The following ZNF804A variants were observed in gnomAD, a reference collection of about 807,000 sequenced individuals.
ZNF804A encodes zinc finger protein 804A.
ZNF804A carries 2 observed loss-of-function variants against 16.5 expected under a neutral mutation model. The observed-to-expected ratio is 0.12, with a 90% CI of 0.05 to 0.38. The LOEUF is 0.38. ZNF804A is among the 10% of genes least tolerant of loss of function. The pLI, the probability that ZNF804A is intolerant of heterozygous loss-of-function variation, is 0.99. For missense variants in ZNF804A, 1,473 were observed against 1,390.7 expected, an observed-to-expected ratio of 1.06 and a Z score of -0.94; for synonymous variants, 534 against 489.6, an observed-to-expected ratio of 1.09 and a Z score of -1.20.
At chr2:184,611,424 A>G (rs950754321) in intron 1 of ZNF804A, among the ~76,000 whole-genome samples, 1 of 152,044 alleles carries the variant, frequency 6.6e-6, no homozygotes, top group African/African-American at 2.4e-5. Context: ...ATGGCATGAT[A>G]TTTAGGGCAT....
intron 2 of ZNF804A, among the ~76,000 whole-genome samples, chr2:184,873,145 T>C (rs1348753781): frequency 6.6e-6 from 1 of 152,194 alleles, no homozygotes; most frequent in African/African-American, 2.4e-5. Context: ...AAACTTTATA[T>C]ATTTTAGGAA....
intron 1 of ZNF804A, among the ~76,000 whole-genome samples, chr2:184,728,470 G>A (rs2105746164): frequency 6.6e-6 from 1 of 151,944 alleles, no homozygotes; most frequent in East Asian, 1.9e-4. Context: ...CCCAGCAATA[G>A]TCAGCAAATA....
chr2:184,878,494 T>C (rs1408067838), intron 2 of ZNF804A, among the ~76,000 whole-genome samples: 1 of 151,984 alleles, frequency 6.6e-6, no homozygotes, highest in African/African-American at 2.4e-5. Context: ...ATTTTGGTTG[T>C]CAAAAGGACT....
chr2:184,938,448 G>A lies in ZNF804A; in HGVS notation c.3052G>A (p.Val1018Ile). 6.2e-7 allele frequency: 1 copy of A among 1,613,970 alleles called. No individual in the cohort carries two copies. The highest frequency in any genetic ancestry group is 8.5e-7 in the Non-Finnish European group (1 of 1,180,004). ...KEAHVSGHTF[V>I]TAEQILAPLA... ...AGCACATGTCAGTGGTCATACTTTT[G>A]TAACAGCTGAGCAAATCCTGGCTCC... Residue 1018 changes from valine to isoleucine, a missense_variant, in exon 4 of 4, where the codon GTA (valine) becomes ATA (isoleucine). Val to Ile is a conservative substitution (Grantham distance 29, BLOSUM62 3). Coordinates refer to ENST00000302277, the MANE Select transcript of ZNF804A (RefSeq NM_194250.2).
At chr2:184,703,709 AAAAG>A (rs1553529082) in intron 1 of ZNF804A, among the ~76,000 whole-genome samples, 7 of 131,368 alleles carry the variant, frequency 5.3e-5, no homozygotes, top group African/African-American at 1.0e-4. Flanking sequence ...AAAAAAAAAA[AAAAG>A]AAAGAAAGAA....
At chr2:184,662,998 T>C (rs907768347) in intron 1 of ZNF804A, among the ~76,000 whole-genome samples, 6 of 152,202 alleles carry the variant, frequency 3.9e-5, no homozygotes, top group South Asian at 2.1e-4. Context: ...ATATTTATCA[T>C]TGATGTAGTA....
At chr2:184,917,487 T>C (rs567863015) in intron 2 of ZNF804A, among the ~76,000 whole-genome samples, 1 of 152,148 alleles carries the variant, frequency 6.6e-6, no homozygotes, top group East Asian at 1.9e-4. Flanking sequence ...ATACAGTTTA[T>C]CCCCTTGCAG....
At chr2:184,895,939 A>G (rs1426664421) in intron 2 of ZNF804A, among the ~76,000 whole-genome samples, 2 of 152,182 alleles carry the variant, frequency 1.3e-5, no homozygotes, top group African/African-American at 4.8e-5. Context: ...TTCAGCATGT[A>G]ATAAAGTTTA....
chr2:184,603,798 CTT>C (rs1168740909), intron 1 of ZNF804A, among the ~76,000 whole-genome samples: 1 of 152,152 alleles, frequency 6.6e-6, no homozygotes, highest in Non-Finnish European at 1.5e-5. Context: ...CATTTAAACT[CTT>C]ATATATTCAA....
chr2:184,624,973 G>A (rs578186406), intron 1 of ZNF804A, among the ~76,000 whole-genome samples: 4 of 152,180 alleles, frequency 2.6e-5, no homozygotes, highest in African/African-American at 4.8e-5. Flanking sequence ...TGATTGTTCC[G>A]TTTGTGATGG....
chr2:184,745,652 C>G (rs1349979836), intron 1 of ZNF804A, among the ~76,000 whole-genome samples: 1 of 151,380 alleles, frequency 6.6e-6, no homozygotes, highest in Admixed American at 6.6e-5. Flanking sequence ...TTTTTCTTCT[C>G]TAGGCATTAA....
chr2:184,845,967 T>C (rs1236412056), intron 1 of ZNF804A, among the ~76,000 whole-genome samples: 3 of 152,126 alleles, frequency 2.0e-5, no homozygotes, highest in Non-Finnish European at 4.4e-5. Context: ...CTGAATGTGA[T>C]TGTTTCTCTG....
chr2:184,627,047 A>C (rs1158462018), intron 1 of ZNF804A, among the ~76,000 whole-genome samples: 2 of 152,188 alleles, frequency 1.3e-5, no homozygotes, highest in African/African-American at 4.8e-5. Flanking sequence ...AGGCTCAACT[A>C]CAATGAATAA....
At chr2:184,776,998 GCT>G (rs1694298715) in intron 1 of ZNF804A, among the ~76,000 whole-genome samples, 1 of 151,590 alleles carries the variant, frequency 6.6e-6, no homozygotes, top group African/African-American at 2.4e-5. Flanking sequence ...AATGTCCACA[GCT>G]CTGTTTCTTG....
At chr2:184,681,504 A>G (rs568495018) in intron 1 of ZNF804A, among the ~76,000 whole-genome samples, 6 of 152,344 alleles carry the variant, frequency 3.9e-5, no homozygotes, top group African/African-American at 1.4e-4. Flanking sequence ...TTTAAAAATA[A>G]TAATATAGCA....
At chr2:184,884,058 C>T (rs1684851349) in intron 2 of ZNF804A, among the ~76,000 whole-genome samples, 1 of 152,058 alleles carries the variant, frequency 6.6e-6, no homozygotes, top group Non-Finnish European at 1.5e-5. Context: ...CTAGAAAACT[C>T]CATAGTCTCT....
intron 1 of ZNF804A, among the ~76,000 whole-genome samples, chr2:184,664,460 C>T (rs1692225360): frequency 6.6e-6 from 1 of 152,078 alleles, no homozygotes; most frequent in Non-Finnish European, 1.5e-5. Context: ...ATATGAAGAA[C>T]ATGTATTTCC....
chr2:184,808,715 A>G (rs192261646), intron 1 of ZNF804A, among the ~76,000 whole-genome samples: 6 of 151,902 alleles, frequency 3.9e-5, no homozygotes, highest in Non-Finnish European at 7.4e-5. Flanking sequence ...CTAAATATTT[A>G]GTAAAAATTG....
At chr2:184,852,721 G>A (rs1173478538) in intron 1 of ZNF804A, among the ~76,000 whole-genome samples, 2 of 151,658 alleles carry the variant, frequency 1.3e-5, no homozygotes, top group African/African-American at 4.8e-5. Flanking sequence ...TCCCCATTGT[G>A]TGTACTTGGC....
Sources: gnomAD v4.1 joint callset for allele counts (sites outside exome capture counted in the v4.1 genomes callset) on GRCh38, gnomAD v4.1.1 for gene constraint, MANE v1.5 for transcripts, NCBI Gene and HGNC (gene_info 2026-07-23, HGNC 2026-07-21) for gene names.